Variants in FGA observed in about 807,000 individuals in gnomAD.
FGA encodes fibrinogen alpha chain.
Under a neutral mutation model 20.3 loss-of-function variants are expected in FGA, and 20 were observed. The ratio of observed to expected loss-of-function variants is 0.99; its 90% CI spans 0.69 to 1.43. The LOEUF (loss-of-function observed/expected upper bound fraction) is 1.43, where lower values mean the gene tolerates loss of function less well. Among genes scored for constraint, FGA ranks in the 40% most tolerant of loss-of-function variants. FGA has a pLI of 0.00. For missense variants in FGA, 777 were observed against 784.7 expected, an observed-to-expected ratio of 0.99 and a Z score of 0.12; for synonymous variants, 306 against 281.6, an observed-to-expected ratio of 1.09 and a Z score of -0.87.
chr4:154,589,242 A>AC (rs1257837605), intron 2 of FGA, among the ~76,000 whole-genome samples, 195 bp downstream of exon 2: 1 of 152,160 alleles, frequency 6.6e-6, no homozygotes, highest in African/African-American at 2.4e-5. Context: ...CTGTCTGTTC[A>AC]CCCACTAATG....
downstream of FGA, chr4:154,583,135 A>T (rs2110803002): frequency 6.6e-6 from 1 of 152,284 alleles, no homozygotes; most frequent in Admixed American, 6.5e-5. Flanking sequence ...ATTGCTTGGG[A>T]TATTTTAATA....
chr4:154,590,192 CAA>C (rs1195507335), intron 1 of FGA, among the ~76,000 whole-genome samples: 1 of 152,184 alleles, frequency 6.6e-6, no homozygotes, highest in Non-Finnish European at 1.5e-5. Context: ...AACCTTTCAG[CAA>C]AACTGTACTA....
Position 154,588,944 on chromosome 4 carries a change from T to C in FGA, c.213A>G (p.Lys71=). ...CTTGATTGACTTCATCAATCAACCCTTTCATCCTGCAGCCAGAAGGGCATT... is the reference window on the plus strand; with the variant it reads ...CTTGATTGACTTCATCAATCAACCCCTTCATCCTGCAGCCAGAAGGGCATT... ...NYKCPSGCRM[K]GLIDEVNQDF... Residue 71 remains lysine, a synonymous_variant, in exon 3 of 5, where the codon AAA becomes AAG. Coordinates refer to ENST00000403106, the MANE Select transcript of FGA (RefSeq NM_021871.4). 1 of 1,613,822 alleles carries C rather than the reference T, an allele frequency of 6.2e-7. No homozygotes were observed. Among genetic ancestry groups the C allele is most frequent in the Non-Finnish European group, 8.5e-7 (1 of 1,179,814 alleles).
chr4:154,585,522 G>T lies in FGA; in HGVS notation c.1907C>A (p.Pro636His). 1 of 1,611,796 alleles carries T rather than the reference G, an allele frequency of 6.2e-7. No individual in the cohort carries two copies. The highest frequency in any genetic ancestry group is 8.5e-7 in the Non-Finnish European group (1 of 1,177,888). Residue 636 changes from proline (P) to histidine (H), a missense_variant, in exon 5 of 5, where the codon CCT (proline) becomes CAT (histidine). By Grantham distance (77) the Pro-to-His change is moderately conservative (BLOSUM62 -2). Coordinates refer to ENST00000403106, the MANE Select transcript of FGA (RefSeq NM_021871.4). ...SRPVRGIHTSPLGKPSLSP is the reference protein window; with the variant it reads ...SRPVRGIHTSHLGKPSLSP The stretch of plus-strand genomic sequence containing the variant: ...GGGGGACAGGGAAGGCTTCCCCAAA[G>T]GAGAAGTGTGGATACCTCTGACAGG...
Position 154,589,421 on chromosome 4 carries a change from C to T in FGA, c.180+16G>A, listed in dbSNP as rs373695965. On this transcript the variant is annotated intron_variant, in intron 2 of 4. Coordinates refer to ENST00000403106, the MANE Select transcript of FGA (RefSeq NM_021871.4). ...CAGAGGGAAGGAATCTCCTGCTTCC[C>T]CCGCTGACTGCTTACCCAGTCTTCA... 5.8e-5 allele frequency: 93 copies of T among 1,613,594 alleles called. No individual in the cohort carries two copies. The East Asian group carries it at 1.2e-3, about 21-fold the overall frequency.
chr4:154,587,500 C>T lies in FGA; in HGVS notation c.510+12G>A. 5 of 1,613,492 alleles carry T rather than the reference C, an allele frequency of 3.1e-6. No individual in the cohort carries two copies. The highest frequency in any genetic ancestry group is 4.2e-6 in the Non-Finnish European group (5 of 1,179,610). ...GAAACAAGGACATCTGGGACCACAGCCACATACTTACCTCCAGTCGTTTCA... is the reference window on the plus strand; with the variant it reads ...GAAACAAGGACATCTGGGACCACAGTCACATACTTACCTCCAGTCGTTTCA... On this transcript the variant is annotated intron_variant, in intron 4 of 4. Coordinates refer to ENST00000403106, the MANE Select transcript of FGA (RefSeq NM_021871.4).
chr4:154,589,038 A>G, intron 2 of FGA, 62 bp from the exon 3 acceptor site: 1 of 1,423,412 alleles, frequency 7.0e-7, no homozygotes, highest in Non-Finnish European at 9.9e-7. Flanking sequence ...ATAATTTTGC[A>G]TGTTTCCATG....
intron 1 of FGA, among the ~76,000 whole-genome samples, 190 bp downstream of exon 1, chr4:154,590,444 A>G (rs1473638976): frequency 6.6e-6 from 1 of 152,132 alleles, no homozygotes; most frequent in Non-Finnish European, 1.5e-5. Flanking sequence ...TCCATCTAAG[A>G]TCTTCCTCTT....
chr4:154,587,764 AAAGAAAGAAAG>A, intron 3 of FGA, 107 bp from the exon 4 acceptor site: 1 of 652,244 alleles, frequency 1.5e-6, no homozygotes, highest in Non-Finnish European at 2.6e-6. Context: ...AGAAAGAAAG[AAAGAAAGAAAG>A]AAAGAAAGAA....
downstream of FGA, chr4:154,584,772 C>A: frequency 1.2e-6 from 2 of 1,614,022 alleles, no homozygotes; most frequent in Non-Finnish European, 1.7e-6. Context: ...ATCCCGGTAG[C>A]TTGATATTGA....
chr4:154,587,040 C>A (rs1730745510), intron 4 of FGA, 122 bp from the exon 5 acceptor site: 10 of 927,850 alleles, frequency 1.1e-5, no homozygotes, highest in Non-Finnish European at 1.7e-5. Context: ...GACTCGGAGA[C>A]CTACCACTTA....
chr4:154,587,319 G>A (rs866816036), intron 4 of FGA, among the ~76,000 whole-genome samples, 193 bp downstream of exon 4: 3 of 152,140 alleles, frequency 2.0e-5, no homozygotes, highest in African/African-American at 7.2e-5. Context: ...TCTATGTACC[G>A]TTGGAAAATT....
chr4:154,584,381 T>C, downstream of FGA: 1 of 1,614,134 alleles, frequency 6.2e-7, no homozygotes, highest in African/African-American at 1.3e-5. Flanking sequence ...AACTGCATGT[T>C]GTTGTGAGAG....
chr4:154,583,751 A>C, downstream of FGA: 1 of 216,884 alleles, frequency 4.6e-6, no homozygotes, highest in Non-Finnish European at 9.2e-6. Context: ...CAAATGGATA[A>C]AACAACTTTT....
chr4:154,587,934 A>G (rs991561679), intron 3 of FGA, among the ~76,000 whole-genome samples: 12 of 152,224 alleles, frequency 7.9e-5, no homozygotes, highest in Non-Finnish European at 1.2e-4. Flanking sequence ...CCTTCCATGA[A>G]TGCCAGTTAA....
rs1009519911 is a variant in FGA, at chr4:154,585,859, A to T, written c.1570T>A (p.Ser524Thr). 3 of 1,614,160 alleles carry T rather than the reference A, an allele frequency of 1.9e-6. No homozygotes were observed. The highest frequency in any genetic ancestry group is 1.6e-4 in the Middle Eastern group (1 of 6,062). ...AAACCTGGGAATGTTTTTCCAGTTGAGGCAGTGTCGAAGAAGGCAGCTTCA... is the reference window on the plus strand; with the variant it reads ...AAACCTGGGAATGTTTTTCCAGTTGTGGCAGTGTCGAAGAAGGCAGCTTCA... Reference protein sequence around the residue: ...PDEAAFFDTASTGKTFPGFFS... With the variant: ...PDEAAFFDTATTGKTFPGFFS... The change falls in exon 5 of 5, where the codon TCA becomes ACA. Residue 524 changes from serine (S) to threonine (T), a missense_variant. Transcript: ENST00000403106.
chr4:154,589,707 C>G, intron 1 of FGA, 145 bp from the exon 2 acceptor site: 1 of 885,536 alleles, frequency 1.1e-6, no homozygotes, highest in Admixed American at 1.9e-5. Flanking sequence ...CGGCAAGCTT[C>G]AGGTTTCTTA....
intron 3 of FGA, 90 bp from the exon 4 acceptor site, chr4:154,587,747 G>T (rs1730765836): frequency 5.7e-6 from 1 of 174,236 alleles, no homozygotes; most frequent in Admixed American, 7.9e-5. Flanking sequence ...GAAGGAAGGA[G>T]AAAGAAAGAA....
chr4:154,589,070 CTATCTCTTCCAG>C (rs1481581339), intron 2 of FGA, 94 bp from the exon 3 acceptor site: 2 of 1,151,660 alleles, frequency 1.7e-6, no homozygotes, highest in Non-Finnish European at 2.6e-6. Context: ...TCTTCCTACC[CTATCTCTTCCAG>C]ATAAGTTGGC....
Sources: allele counts gnomAD v4.1 joint callset (sites outside exome capture counted in the v4.1 genomes callset), GRCh38; gene constraint gnomAD v4.1.1; transcripts MANE v1.5; gene names NCBI Gene and HGNC (gene_info 2026-07-23, HGNC 2026-07-21).